Variants in GSE1 observed in about 807,000 individuals in gnomAD.
GSE1 encodes genetic suppressor element 1.
In GSE1, 32 loss-of-function variants were observed where a neutral mutation model predicts 112.6. The ratio of observed to expected loss-of-function variants is 0.28; its 90% confidence interval spans 0.21 to 0.38. GSE1 has a LOEUF of 0.38. GSE1 is among the 10% of genes least tolerant of loss of function. The probability of loss-of-function intolerance (pLI) is 1.00; values close to 1 mark genes in which losing one functional copy is unlikely to be tolerated. For missense variants in GSE1, 2,348 were observed against 1,699.2 expected (o/e 1.38, Z -6.71); for synonymous variants, 1,115 against 735.6 (o/e 1.52, Z -8.35).
intron 2 of GSE1, among the ~76,000 whole-genome samples, chr16:85,403,737 G>T (rs1466351375): frequency 6.6e-6 from 1 of 152,192 alleles, no homozygotes; most frequent in Admixed American, 6.5e-5. Context: ...AGGAGGTTGA[G>T]GCTGCAGTGA....
exon 1 of GSE1, chr16:85,171,400 C>T (rs1049006241): frequency 1.0e-6 from 1 of 985,560 alleles, no homozygotes; most frequent in Admixed American, 6.1e-5. Flanking sequence ...CTTCCCCTTC[C>T]TCACCGTGTA....
At chr16:85,653,544 C>T (rs1172545727) in intron 3 of GSE1, among the ~76,000 whole-genome samples, 1 of 151,452 alleles carries the variant, frequency 6.6e-6, no homozygotes, top group East Asian at 2.0e-4. Flanking sequence ...TCCTCTGGAC[C>T]ACCTTCCCAG....
chr16:85,639,887 C>T (rs1211305822), intron 2 of GSE1, among the ~76,000 whole-genome samples: 1 of 152,202 alleles, frequency 6.6e-6, no homozygotes, highest in Non-Finnish European at 1.5e-5. Flanking sequence ...CGGCCGGGGG[C>T]GGAGGTACGG....
chr16:85,609,076 C>T (rs977613790), upstream of GSE1, among the ~76,000 whole-genome samples: 2 of 152,166 alleles, frequency 1.3e-5, no homozygotes, highest in African/African-American at 2.4e-5. Context: ...GGGTGGCGCC[C>T]GCACCCCTGA....
At chr16:85,514,941 G>A (rs1841266627) in intron 2 of GSE1, among the ~76,000 whole-genome samples, 1 of 152,208 alleles carries the variant, frequency 6.6e-6, no homozygotes, top group Non-Finnish European at 1.5e-5. Context: ...ATGTATTTGT[G>A]TGTTTGCCTA....
chr16:85,397,408 C>G (rs1015096120), intron 2 of GSE1, among the ~76,000 whole-genome samples: 1 of 152,210 alleles, frequency 6.6e-6, no homozygotes, highest in African/African-American at 2.4e-5. Flanking sequence ...GTCCCCAAGG[C>G]AAGGCAGAGT....
chr16:85,523,874 A>T (rs1041947728), intron 2 of GSE1, among the ~76,000 whole-genome samples: 2 of 152,164 alleles, frequency 1.3e-5, no homozygotes, highest in Non-Finnish European at 2.9e-5. Context: ...GTGCTGCGGG[A>T]GGCGGGGTCA....
intron 2 of GSE1, among the ~76,000 whole-genome samples, chr16:85,532,806 G>A (rs929769010): frequency 2.6e-5 from 4 of 152,218 alleles, no homozygotes; most frequent in African/African-American, 9.7e-5. Context: ...TCTTATATGT[G>A]AGGGTGTAGG....
chr16:85,575,022 T>G (rs904234443), intron 1 of GSE1, among the ~76,000 whole-genome samples: 1 of 152,198 alleles, frequency 6.6e-6, no homozygotes, highest in Non-Finnish European at 1.5e-5. Context: ...ATCCCCTCGC[T>G]GGGGAGCGGC....
intron 2 of GSE1, among the ~76,000 whole-genome samples, chr16:85,382,507 C>T (rs996896773): frequency 6.6e-6 from 1 of 152,154 alleles, no homozygotes; most frequent in Non-Finnish European, 1.5e-5. Flanking sequence ...GGAAGATGCA[C>T]GTGGTCTGCC....
chr16:85,234,637 G>T (rs914935818), intron 1 of GSE1, among the ~76,000 whole-genome samples: 4 of 152,176 alleles, frequency 2.6e-5, no homozygotes, highest in African/African-American at 9.7e-5. Flanking sequence ...GCCCTGTGAC[G>T]TTCCCAACGC....
chr16:85,385,713 G>T (rs1260449946), intron 2 of GSE1, among the ~76,000 whole-genome samples: 1 of 152,228 alleles, frequency 6.6e-6, no homozygotes, highest in Non-Finnish European at 1.5e-5. Context: ...GCTCTCGCGA[G>T]GCAGCCGGCC....
chr16:85,331,837 C>T (rs1274748011), intron 1 of GSE1, among the ~76,000 whole-genome samples: 1 of 151,594 alleles, frequency 6.6e-6, no homozygotes, highest in Non-Finnish European at 1.5e-5. Context: ...CATGAGTCAC[C>T]GCGCCCAGCT....
intron 14 of GSE1, among the ~76,000 whole-genome samples, chr16:85,668,754 G>C (rs942804411): frequency 3.9e-4 from 59 of 152,202 alleles, no homozygotes; most frequent in African/African-American, 1.4e-3. Context: ...AGACAACCTA[G>C]TTGGTTGATT....
chr16:85,537,607 A>T (rs1003976128), intron 2 of GSE1, among the ~76,000 whole-genome samples: 2 of 152,186 alleles, frequency 1.3e-5, no homozygotes, highest in African/African-American at 4.8e-5. Context: ...CAGAGGCCAC[A>T]GTCCCCATGT....
intron 2 of GSE1, among the ~76,000 whole-genome samples, chr16:85,425,106 G>A (rs894641225): frequency 4.6e-5 from 7 of 152,236 alleles, no homozygotes; most frequent in Non-Finnish European, 7.3e-5. Flanking sequence ...CTCCCTGGGC[G>A]CCCTGGGGCG....
chr16:85,435,699 G>C (rs537124364), intron 2 of GSE1, among the ~76,000 whole-genome samples: 1 of 58,156 alleles, frequency 1.7e-5, no homozygotes, highest in South Asian at 5.4e-4. Context: ...GATGGCCTGG[G>C]AATGGGCAGC....
At chr16:85,581,610 CTGTGCATGCGCATGTGCATA>C (rs1385275195) in intron 1 of GSE1, among the ~76,000 whole-genome samples, 3 of 152,198 alleles carry the variant, frequency 2.0e-5, no homozygotes, top group African/African-American at 7.2e-5. Context: ...GCATGCGTCT[CTGTGCATGCGCATGTGCATA>C]TGTGTGCAGG....
intron 1 of GSE1, among the ~76,000 whole-genome samples, chr16:85,191,839 T>C (rs1256926597): frequency 4.6e-5 from 7 of 152,086 alleles, no homozygotes; most frequent in Admixed American, 4.6e-4. Flanking sequence ...AAGATTTCCC[T>C]GACACCATGA....
Sources: gnomAD v4.1 joint callset for allele counts (sites outside exome capture counted in the v4.1 genomes callset) on GRCh38, gnomAD v4.1.1 for gene constraint, MANE v1.5 for transcripts, NCBI Gene and HGNC (gene_info 2026-07-23, HGNC 2026-07-21) for gene names.